Variants in SAMSN1 observed in about 807,000 individuals in gnomAD.
SAMSN1 encodes the protein SAM domain, SH3 domain and nuclear localization signals 1.
In SAMSN1, 31 loss-of-function variants were observed where a neutral mutation model predicts 42.0. The ratio of observed to expected loss-of-function variants is 0.74; its 90% CI spans 0.55 to 1.00. The LOEUF (loss-of-function observed/expected upper bound fraction) is 1.00, where lower values mean the gene tolerates loss of function less well. Ranked by LOEUF, SAMSN1 falls within the 50% of genes least tolerant of loss-of-function variation. The probability of loss-of-function intolerance (pLI) is 0.00; values close to 1 mark genes in which losing one functional copy is unlikely to be tolerated. For missense variants in SAMSN1, 464 were observed against 439.4 expected (o/e 1.06, Z -0.50); for synonymous variants, 178 against 151.9 (o/e 1.17, Z -1.26).
chr21:14,530,185 C>T (rs1172485690), intron 1 of SAMSN1, among the ~76,000 whole-genome samples: 2 of 151,794 alleles, frequency 1.3e-5, no homozygotes, highest in East Asian at 1.9e-4. Context: ...GGCGTGGTGG[C>T]GGGTGCCTGT....
At chr21:14,496,627 T>A (rs190431843) in intron 7 of SAMSN1, among the ~76,000 whole-genome samples, 87 of 152,348 alleles carry the variant, frequency 5.7e-4, no homozygotes, top group African/African-American at 2.1e-3. Flanking sequence ...TGAACGAACT[T>A]ACTATATCTG....
At chr21:14,591,358 G>A (rs192180706) in intron 7 of SAMSN1, 11 of 152,158 alleles carry the variant, frequency 7.2e-5, no homozygotes, top group South Asian at 4.1e-4. Flanking sequence ...CCTAATCTAC[G>A]GGAGGTGCAA....
At chr21:14,510,611 A>T in intron 4 of SAMSN1, 150 bp from the exon 5 acceptor site, 2 of 875,026 alleles carry the variant, frequency 2.3e-6, no homozygotes, top group Non-Finnish European at 3.5e-6. Context: ...TCTGTCTTCC[A>T]GTTACTCTCC....
chr21:14,539,514 G>A (rs1264633280), intron 1 of SAMSN1, among the ~76,000 whole-genome samples: 1 of 152,148 alleles, frequency 6.6e-6, no homozygotes, highest in Non-Finnish European at 1.5e-5. Flanking sequence ...CAAACAGAGA[G>A]CCAAATCATG....
At chr21:14,603,431 CAG>C (rs1413671217) in intron 5 of SAMSN1, among the ~76,000 whole-genome samples, 2 of 152,096 alleles carry the variant, frequency 1.3e-5, no homozygotes, top group Non-Finnish European at 2.9e-5. Flanking sequence ...CACTATGACT[CAG>C]AGAACTTGTG....
intron 4 of SAMSN1, among the ~76,000 whole-genome samples, chr21:14,612,285 T>C (rs1982729437): frequency 6.6e-6 from 1 of 152,144 alleles, no homozygotes; most frequent in Non-Finnish European, 1.5e-5. Flanking sequence ...ATGTTTCACA[T>C]TGTGAATGTT....
At chr21:14,534,088 A>G (rs1037650429) in intron 1 of SAMSN1, among the ~76,000 whole-genome samples, 2 of 152,148 alleles carry the variant, frequency 1.3e-5, no homozygotes, top group African/African-American at 4.8e-5. Flanking sequence ...GATTCTAGGA[A>G]TGGTTACTTT....
chr21:14,653,356 G>A (rs758988433), intron 1 of SAMSN1, among the ~76,000 whole-genome samples: 2 of 152,108 alleles, frequency 1.3e-5, no homozygotes, highest in Middle Eastern at 3.4e-3. Flanking sequence ...AACATAATTA[G>A]AACTGGAGAT....
intron 2 of SAMSN1, among the ~76,000 whole-genome samples, chr21:14,623,277 C>T (rs537221576): frequency 1.7e-4 from 26 of 152,242 alleles, no homozygotes; most frequent in Admixed American, 3.9e-4. Context: ...CAATATTAAC[C>T]TTAAATGTAA....
chr21:14,534,516 C>A (rs1979473214), intron 1 of SAMSN1, among the ~76,000 whole-genome samples: 1 of 87,140 alleles, frequency 1.1e-5, no homozygotes, highest in Non-Finnish European at 2.0e-5. Flanking sequence ...GAGGGAGAGA[C>A]TTTTTTTCTT....
chr21:14,491,771 G>C (rs1986697968), intron 7 of SAMSN1, among the ~76,000 whole-genome samples: 1 of 152,122 alleles, frequency 6.6e-6, no homozygotes, highest in Non-Finnish European at 1.5e-5. Context: ...TCTGTCCTAT[G>C]TCAATTTAAT....
intron 2 of SAMSN1, among the ~76,000 whole-genome samples, chr21:14,558,222 G>A (rs1457575768): frequency 1.3e-5 from 2 of 152,026 alleles, no homozygotes; most frequent in East Asian, 3.9e-4. Context: ...CACGTTTTAG[G>A]CCACCTCCTT....
At position 14,500,553 on chromosome 21, in the gene SAMSN1, C is replaced by A. The variant is rs535585505; in HGVS notation, c.744G>T (p.Glu248Asp). ...SNSKKSKTLQ[E>D]FLERIHLQEY... ...CCTGCAGATGAATCCTCTCTAGGAA[C>A]TCCTGCAGAGTCTTGGATTTTTTGC... The change falls in exon 6 of 8, where the codon GAG becomes GAT. Residue 248 changes from glutamate (E) to aspartate (D), a missense_variant. Physicochemically the swap from Glu to Asp is conservative, Grantham distance 45. Transcript: ENST00000400566. The A allele has an allele frequency of 2.5e-6, 4 of 1,614,134 alleles. No homozygotes were observed. The highest frequency in any genetic ancestry group is 3.3e-5 in the Admixed American group (2 of 60,020).
chr21:14,498,970 T>G (rs1259047036), intron 6 of SAMSN1, among the ~76,000 whole-genome samples: 1 of 152,328 alleles, frequency 6.6e-6, no homozygotes, highest in East Asian at 1.9e-4. Context: ...CAGAGTAGCA[T>G]GCTACAGCAA....
intron 5 of SAMSN1, among the ~76,000 whole-genome samples, chr21:14,505,555 C>T (rs149647495): frequency 0.027 from 4,168 of 152,192 alleles, 167 homozygotes; most frequent in African/African-American, 0.087. Context: ...TATCACAATC[C>T]TAAACATGTA....
At chr21:14,609,435 C>T (rs983177074) in intron 5 of SAMSN1, 15 of 716,112 alleles carry the variant, frequency 2.1e-5, no homozygotes, top group Non-Finnish European at 3.9e-5. Context: ...GCCCTTTAAA[C>T]TACTTTGGGA....
At chr21:14,647,993 A>C (rs1193514988) in intron 1 of SAMSN1, among the ~76,000 whole-genome samples, 2 of 149,674 alleles carry the variant, frequency 1.3e-5, no homozygotes, top group African/African-American at 2.5e-5. Flanking sequence ...TCTCCTGCCT[A>C]ATTGCCCTGG....
intron 7 of SAMSN1, among the ~76,000 whole-genome samples, chr21:14,494,004 A>T (rs1042284451): frequency 1.3e-5 from 2 of 152,194 alleles, no homozygotes; most frequent in Non-Finnish European, 2.9e-5. Context: ...CCAAGCAGTG[A>T]CCTAGATACC....
chr21:14,563,807 A>G (rs2123204073), intron 2 of SAMSN1, among the ~76,000 whole-genome samples: 1 of 152,318 alleles, frequency 6.6e-6, no homozygotes, highest in South Asian at 2.1e-4. Context: ...CAGGTATAAA[A>G]TACTTGGAAG....
Sources: allele counts gnomAD v4.1 joint callset (sites outside exome capture counted in the v4.1 genomes callset), GRCh38; gene constraint gnomAD v4.1.1; transcripts MANE v1.5; gene names NCBI Gene and HGNC (gene_info 2026-07-23, HGNC 2026-07-21).